Variants in RNF213 observed in about 807,000 individuals in gnomAD.
RNF213 encodes E3 ubiquitin-protein ligase RNF213.
RNF213 carries 341 observed loss-of-function variants against 514.4 expected under a neutral mutation model. The observed-to-expected ratio is 0.66, with a 90% CI of 0.61 to 0.73. The LOEUF (loss-of-function observed/expected upper bound fraction) is 0.73. Ranked by LOEUF, RNF213 falls within the 30% of genes least tolerant of loss-of-function variation. RNF213 has a pLI of 0.00. For synonymous variants in RNF213, 2,655 were observed against 2,658.2 expected, an observed-to-expected ratio of 1.00 and a Z score of 0.04; for missense variants, 5,767 against 6,615.6, an observed-to-expected ratio of 0.87 and a Z score of 4.45.
chr17:80,389,147 TCCCTCTC>T lies in RNF213; in HGVS notation c.15001-24_15001-18del. 6.2e-7 allele frequency: 1 copy of T among 1,610,778 alleles called. No individual in the cohort carries two copies. The highest frequency in any genetic ancestry group is 1.3e-5 in the African/African-American group (1 of 74,930). On this transcript the variant is annotated intron_variant, in intron 64 of 67. Coordinates refer to ENST00000582970, the MANE Select transcript of RNF213 (RefSeq NM_001256071.3). ...ATGCCAGAAACCCAGCCCACAGACATCCCTCTCCTGCTTTTCATTTCCCAGGACTCCC... is the reference window on the plus strand; with the variant it reads ...ATGCCAGAAACCCAGCCCACAGACATCTGCTTTTCATTTCCCAGGACTCCC...
Position 80,315,272 on chromosome 17 carries a change from G to A in RNF213, c.2812-1916G>A, listed in dbSNP as rs1231793580. ...TGGTGGACGTGATGGTGGAGGTAAT[G>A]GAGGTGATGGTGGTGGTGGTGGTGG... On this transcript the variant is annotated intron_variant, in intron 15 of 67. Coordinates refer to ENST00000582970, the MANE Select transcript of RNF213 (RefSeq NM_001256071.3). Among the ~76,000 whole-genome samples the A allele has an allele frequency of 3.4e-4, 18 of 53,130 alleles. 4 individuals are homozygous for A. Among genetic ancestry groups the A allele is most frequent in the African/African-American group, 1.5e-3 (12 of 7,992 alleles). The allele number at this position is 53,130 out of a possible 152,430, so 34.9% of individuals were successfully genotyped here.
Position 80,343,207 on chromosome 17 carries a change from C to T in RNF213, c.6065C>T (p.Thr2022Ile). The T allele has an allele frequency of 1.9e-6, 3 of 1,614,084 alleles. No individual in the cohort carries two copies. Among genetic ancestry groups the T allele is most frequent in the Non-Finnish European group, 2.5e-6 (3 of 1,179,954 alleles). The change falls in exon 27 of 68, where the codon ACA becomes ATA. Residue 2022 changes from threonine (T) to isoleucine (I), a missense_variant. By Grantham distance (89) the Thr-to-Ile change is moderately conservative. Coordinates refer to ENST00000582970, the MANE Select transcript of RNF213 (RefSeq NM_001256071.3). The surrounding 1 kb of genome is among the most constrained non-coding windows in gnomAD (Gnocchi z 4.3). ...QLNVKNVPLK[T>I]IRLIDPQVDE... ...AACGTGAAAAATGTGCCTCTGAAAA[C>T]AATTCGACTGATCGACCCTCAGGTG...
chr17:80,355,774 G>A lies in RNF213; in HGVS notation c.10862+1198G>A, dbSNP rs532231227. Among the ~76,000 whole-genome samples, 12 of 138,352 alleles carry A rather than the reference G, an allele frequency of 8.7e-5. No individual in the cohort carries two copies. The South Asian group carries it at 2.5e-3, about 29-fold the overall frequency. The allele number at this position is 138,352 out of a possible 152,430, so 90.8% of individuals were successfully genotyped here. On this transcript the variant is annotated intron_variant, in intron 36 of 67. Coordinates refer to ENST00000582970, the MANE Select transcript of RNF213 (RefSeq NM_001256071.3). ...AGGAAGAAGCGGGGTGAATGGGAAT[G>A]GGGGCTCATGGAGGAAAAAGCGGGG...
rs1299955549 is a variant in RNF213, at chr17:80,307,215, A to G, written c.2501+14A>G. Reference sequence around the variant, plus strand: ...TTACCGGGACAAGTAAGTGGAAAGCACGATGCAGTCTCTCCCTCACATGCG... The same window carrying G: ...TTACCGGGACAAGTAAGTGGAAAGCGCGATGCAGTCTCTCCCTCACATGCG... On this transcript the variant is annotated intron_variant, in intron 13 of 67. Coordinates refer to ENST00000582970, the MANE Select transcript of RNF213 (RefSeq NM_001256071.3). 2 of 1,613,524 alleles carry G rather than the reference A, an allele frequency of 1.2e-6. No homozygotes were observed. Among genetic ancestry groups the G allele is most frequent in the Admixed American group, 1.7e-5 (1 of 59,996 alleles).
At chr17:80,265,715 C>T (rs767472849) in intron 2 of RNF213, among the ~76,000 whole-genome samples, 3 of 152,132 alleles carry the variant, frequency 2.0e-5, no homozygotes, top group East Asian at 3.9e-4. Flanking sequence ...AGCTCTCACG[C>T]GATTAGCTGA....
chr17:80,306,485 G>T lies in RNF213; in HGVS notation c.2427+17G>T. On this transcript the variant is annotated intron_variant, in intron 12 of 67. Coordinates refer to ENST00000582970, the MANE Select transcript of RNF213 (RefSeq NM_001256071.3). ...AATACGCAGGTTTGTGTCTGAAGTC[G>T]GCTCTGGAGTCCTGGCTTAGCAAAA... The T allele has an allele frequency of 6.2e-7, 1 of 1,610,416 alleles. No homozygotes were observed. Among genetic ancestry groups the T allele is most frequent in the South Asian group, 1.1e-5 (1 of 90,930 alleles).
chr17:80,336,610 CGT>C (rs1024096362), intron 23 of RNF213: 138 of 565,654 alleles, frequency 2.4e-4, no homozygotes, highest in Non-Finnish European at 3.6e-4. Flanking sequence ...GCAAAACACA[CGT>C]GGAAAAAAGA....
chr17:80,343,868 A>T lies in RNF213; in HGVS notation c.6195A>T (p.Gly2065=). 1 of 1,614,072 alleles carries T rather than the reference A, an allele frequency of 6.2e-7. No individual in the cohort carries two copies. The highest frequency in any genetic ancestry group is 8.5e-7 in the Non-Finnish European group (1 of 1,180,012). The change falls in exon 28 of 68, where the codon GGA becomes GGT. Residue 2065 remains glycine (G), a synonymous_variant. Transcript: ENST00000582970. The surrounding 1 kb of genome is among the most constrained non-coding windows in gnomAD (Gnocchi z 4.3). The stretch of plus-strand genomic sequence containing the variant: ...GATTCTGTTCTTAGGTGCAGACTGG[A>T]ATTTGGGTGTTTCTTTTCAAGCTCC... ...HLDVTSSVQT[G]IWVFLFKLLI...
In RNF213 at chr17:80,344,945, C is replaced by T; in HGVS notation, c.6610C>T (p.His2204Tyr). 1 of 1,614,188 alleles carries T rather than the reference C, an allele frequency of 6.2e-7. No homozygotes were observed. Among genetic ancestry groups the T allele is most frequent in the Non-Finnish European group, 8.5e-7 (1 of 1,180,046 alleles). ...PEECLQHFLF[H>Y]CGVINPSWSE... is the part of the protein sequence containing the mutation. ...GGAATGCCTCCAGCATTTCCTGTTT[C>T]ACTGCGGGGTAATAAACCCATCCTG... Residue 2204 changes from histidine (H) to tyrosine (Y), a missense_variant, in exon 29 of 68, where the codon CAC becomes TAC. By Grantham distance (83) the His-to-Tyr change is moderately conservative. This residue lies in a region of RNF213 where 1,377 missense variants were observed against 1,635.2 expected (regional missense o/e 0.84). Transcript: ENST00000582970.
intron 59 of RNF213, 90 bp downstream of exon 59, chr17:80,384,018 A>T: frequency 6.7e-7 from 1 of 1,491,090 alleles, no homozygotes; most frequent in Non-Finnish European, 9.3e-7. Context: ...TAGTATAATC[A>T]TTCTTAACAG....
At position 80,287,980 on chromosome 17, in the gene RNF213, C is replaced by T; in HGVS notation, c.427C>T (p.Pro143Ser). 1 of 1,577,820 alleles carries T rather than the reference C, an allele frequency of 6.3e-7. No individual in the cohort carries two copies. The highest frequency in any genetic ancestry group is 8.6e-7 in the Non-Finnish European group (1 of 1,162,338). ...LPHSQAQQSG[P>S]TGQPSQPPGT... ...CCACAGCCAAGCCCAGCAGAGTGGC[C>T]CCACTGGCCAGCCGAGCCAGCCCCC... Residue 143 changes from proline (P) to serine (S), a missense_variant, in exon 4 of 68, where the codon CCC becomes TCC. Pro to Ser is a moderately conservative substitution (Grantham distance 74). Around this residue, in one of 13 missense-constraint regions of RNF213, gnomAD observed 509 missense variants for 496.7 expected, o/e 1.02. Transcript: ENST00000582970.
At chr17:80,291,955 G>T in intron 8 of RNF213, 128 bp downstream of exon 8, 3 of 966,906 alleles carry the variant, frequency 3.1e-6, no homozygotes, top group Non-Finnish European at 4.8e-6. Flanking sequence ...GCTCTGCATT[G>T]ACCCCGCCCC....
At chr17:80,315,795 G>GGTGATGGTGGTT (rs2045914141) in intron 15 of RNF213, 8 of 20,200 alleles carry the variant, frequency 4.0e-4, no homozygotes, top group Non-Finnish European at 5.8e-4. Context: ...TGGTGGTGGT[G>GGTGATGGTGGTT]GTGGTGGAGG....
rs1324280438 is a variant in RNF213, at chr17:80,337,721, CA to C, written c.4667del (p.Lys1556ArgfsTer10). On this transcript the variant is annotated frameshift_variant, in exon 24 of 68. Transcript: ENST00000582970. LOFTEE classifies it high-confidence loss of function. Reference sequence around the variant, plus strand: ...TGTGATCCAGGCGCCCAAAGGTGGCCAAAAGGTGAGCGGTCCCCAGCCCTCG... The same window carrying C: ...TGTGATCCAGGCGCCCAAAGGTGGCCAAAGGTGAGCGGTCCCCAGCCCTCG... ...IYVIQAPKGG[Q>X]KISPDTVLHL... 6.5e-7 allele frequency: 1 copy of C among 1,537,146 alleles called. No homozygotes were observed. Among genetic ancestry groups the C allele is most frequent in the Non-Finnish European group, 8.7e-7 (1 of 1,146,908 alleles).
At chr17:80,322,377 C>A (rs1215912140) in intron 17 of RNF213, among the ~76,000 whole-genome samples, 1 of 151,892 alleles carries the variant, frequency 6.6e-6, no homozygotes, top group Non-Finnish European at 1.5e-5. Flanking sequence ...TGCCTGTAGA[C>A]CATCCTGGCT....
intron 40 of RNF213, 115 bp downstream of exon 40, chr17:80,363,429 T>A: frequency 8.1e-7 from 1 of 1,229,892 alleles, no homozygotes; most frequent in Non-Finnish European, 1.2e-6. Context: ...ACAAGGCACA[T>A]ACCTTAGCTG....
rs2045359993 is a variant in RNF213, at chr17:80,306,420, A to G, written c.2379A>G (p.Ser793=). Residue 793 remains serine, a synonymous_variant, in exon 12 of 68, where the codon TCA becomes TCG. Transcript: ENST00000582970. ...CTGCTCATATCCTGGACTGTCTTTC[A>G]GGGATTTACTACCGGCTTCCGGGAC... ...RFPAHILDCL[S]GIYYRLPGLE... is the part of the protein sequence containing the mutation. The G allele has an allele frequency of 6.2e-7, 1 of 1,614,148 alleles. No homozygotes were observed. Among genetic ancestry groups the G allele is most frequent in the African/African-American group, 1.3e-5 (1 of 75,022 alleles).
chr17:80,306,851 CAAA>C (rs67070144), intron 12 of RNF213, among the ~76,000 whole-genome samples: 10 of 105,450 alleles, frequency 9.5e-5, no homozygotes, highest in Admixed American at 1.0e-4. Flanking sequence ...GACTCCATCT[CAAA>C]AAAAAAAAAA....
At position 80,347,532 on chromosome 17, in the gene RNF213, C is replaced by T. The variant is rs939886699; in HGVS notation, c.9197C>T (p.Pro3066Leu). 7.4e-6 allele frequency: 12 copies of T among 1,614,090 alleles called. No individual in the cohort carries two copies. The highest frequency in any genetic ancestry group is 1.3e-5 in the African/African-American group (1 of 75,046). Residue 3066 changes from proline to leucine, a missense_variant, in exon 29 of 68, where the codon CCG becomes CTG. Coordinates refer to ENST00000582970, the MANE Select transcript of RNF213 (RefSeq NM_001256071.3). The surrounding 1 kb of genome is among the most constrained non-coding windows in gnomAD (Gnocchi z 7.2). ...QQTFFEGDQQPEIIFGSGFPK... is the reference protein window; with the variant it reads ...QQTFFEGDQQLEIIFGSGFPK... ...ACATTCTTCGAGGGGGACCAGCAGC[C>T]GGAGATTATTTTTGGTTCTGGTTTC...
Sources: gnomAD v4.1 joint callset for allele counts (sites outside exome capture counted in the v4.1 genomes callset) on GRCh38, gnomAD v4.1.1 for gene constraint, gnomAD v4.1.1 regional missense constraint, Gnocchi (gnomAD v3.1) non-coding constraint, MANE v1.5 for transcripts, NCBI Gene and HGNC (gene_info 2026-07-23, HGNC 2026-07-21) for gene names.